Variants in SIPA1L1 observed in about 807,000 individuals in gnomAD.
SIPA1L1 encodes the protein signal induced proliferation associated 1 like 1.
A neutral mutation model predicts 162.7 loss-of-function variants in SIPA1L1; 26 were observed. That is an observed-to-expected ratio of 0.16 (90% CI 0.12 to 0.22). The LOEUF is 0.22. Among genes scored for constraint, SIPA1L1 ranks in the 10% least tolerant of loss-of-function variants. The pLI is 1.00. For synonymous variants in SIPA1L1, 829 were observed against 837.4 expected (o/e 0.99, Z 0.17); for missense variants, 1,874 against 2,241.0 (o/e 0.84, Z 3.31).
At chr14:71,638,919 C>G (rs1237649236) in intron 7 of SIPA1L1, among the ~76,000 whole-genome samples, 1 of 152,046 alleles carries the variant, frequency 6.6e-6, no homozygotes, top group African/African-American at 2.4e-5. Context: ...AAACTTGGAG[C>G]CAAACATGAT....
Position 71,338,086 on chromosome 14 carries a change from T to C in SIPA1L1, c.-465+16905T>C, listed in dbSNP as rs111944248. 7.4e-4 allele frequency among the ~76,000 whole-genome samples: 113 copies of C among 152,370 alleles called. 1 individual carries two copies. Among genetic ancestry groups the C allele is most frequent in the African/African-American group, 2.7e-3 (111 of 41,584 alleles). ...TGGGCACCAGCCCCTGAACACTAGT[T>C]TTATCCCTGTCTTTCTCATCCTTCA... On this transcript the variant is annotated intron_variant, in intron 2 of 23. Coordinates refer to ENST00000381232, the MANE Select transcript of SIPA1L1 (RefSeq NM_001386936.1).
At chr14:71,495,886 C>CAAAAA (rs61183823) in intron 2 of SIPA1L1, among the ~76,000 whole-genome samples, 89 of 37,994 alleles carry the variant, frequency 2.3e-3, no homozygotes, top group Non-Finnish European at 2.6e-3. Flanking sequence ...TCCATCTCTA[C>CAAAAA]AAAAAAAAAA....
intron 4 of SIPA1L1, among the ~76,000 whole-genome samples, chr14:71,544,345 A>G (rs538197279): frequency 3.9e-4 from 59 of 151,880 alleles, no homozygotes; most frequent in Middle Eastern, 3.4e-3. Flanking sequence ...ATGTGTGTGT[A>G]TATACATGTA....
intron 6 of SIPA1L1, among the ~76,000 whole-genome samples, chr14:71,620,067 G>A (rs2039262528): frequency 6.6e-6 from 1 of 152,020 alleles, no homozygotes. Flanking sequence ...TAACAGTTTA[G>A]TTTGTTTGTT....
chr14:71,478,116 C>A (rs1004738311), intron 2 of SIPA1L1, among the ~76,000 whole-genome samples: 5 of 152,184 alleles, frequency 3.3e-5, no homozygotes, highest in Admixed American at 3.3e-4. Flanking sequence ...TCTCTAGTGG[C>A]TAATGAGGTT....
At chr14:71,566,609 G>C (rs2030654313) in intron 4 of SIPA1L1, among the ~76,000 whole-genome samples, 1 of 152,198 alleles carries the variant, frequency 6.6e-6, no homozygotes, top group African/African-American at 2.4e-5. Flanking sequence ...TTGTATACAA[G>C]TCAGTAATTC....
At chr14:71,716,090 T>C (rs1315524682) in intron 17 of SIPA1L1, among the ~76,000 whole-genome samples, 1 of 152,086 alleles carries the variant, frequency 6.6e-6, no homozygotes, top group South Asian at 2.1e-4. Context: ...AATTTTTCTT[T>C]ACTGCAGTCA....
At chr14:71,609,682 G>T (rs1325275315) in intron 5 of SIPA1L1, among the ~76,000 whole-genome samples, 1 of 151,920 alleles carries the variant, frequency 6.6e-6, no homozygotes, top group Non-Finnish European at 1.5e-5. Flanking sequence ...GGCCAGGATG[G>T]TCTGCAACTC....
At chr14:71,696,106 A>G (rs915607937) in intron 13 of SIPA1L1, among the ~76,000 whole-genome samples, 1 of 152,138 alleles carries the variant, frequency 6.6e-6, no homozygotes, top group Non-Finnish European at 1.5e-5. Context: ...GTATCCCACT[A>G]GTACGTGGCC....
intron 2 of SIPA1L1, among the ~76,000 whole-genome samples, chr14:71,413,296 TTTG>T (rs576072921): frequency 3.3e-5 from 5 of 152,192 alleles, no homozygotes; most frequent in East Asian, 3.8e-4. Context: ...TCAAAATCAC[TTTG>T]TTGTTGTTGT....
At chr14:71,676,055 G>A (rs1050322134) in intron 12 of SIPA1L1, among the ~76,000 whole-genome samples, 15 of 135,630 alleles carry the variant, frequency 1.1e-4, no homozygotes, top group South Asian at 5.3e-4. Flanking sequence ...TCAGGAGTTT[G>A]AGACCAGCCT....
chr14:71,356,220 T>G (rs1594974613), intron 2 of SIPA1L1, among the ~76,000 whole-genome samples: 1 of 152,324 alleles, frequency 6.6e-6, no homozygotes, highest in East Asian at 1.9e-4. Flanking sequence ...TTTGCTTATT[T>G]GCTTTCTTTT....
intron 4 of SIPA1L1, among the ~76,000 whole-genome samples, chr14:71,557,708 G>A (rs575313868): frequency 6.6e-6 from 1 of 152,114 alleles, no homozygotes; most frequent in Non-Finnish European, 1.5e-5. Flanking sequence ...ACTTTAAGAG[G>A]CCCAGAAATT....
intron 2 of SIPA1L1, among the ~76,000 whole-genome samples, chr14:71,358,897 G>A (rs1274811646): frequency 2.6e-5 from 4 of 152,114 alleles, no homozygotes; most frequent in South Asian, 2.1e-4. Context: ...CAGCACCAAA[G>A]GGATGGTGCT....
chr14:71,637,242 C>T (rs761596547), intron 7 of SIPA1L1, among the ~76,000 whole-genome samples: 1 of 151,868 alleles, frequency 6.6e-6, no homozygotes, highest in Non-Finnish European at 1.5e-5. Context: ...CTTGTCAACA[C>T]GGTAGTCCCT....
At chr14:71,699,186 T>C (rs533485517) in intron 14 of SIPA1L1, 59 bp downstream of exon 14, 3 of 1,495,848 alleles carry the variant, frequency 2.0e-6, no homozygotes, top group East Asian at 4.5e-5. Flanking sequence ...CTTTCATCTG[T>C]ACTCAGACAT....
intron 5 of SIPA1L1, among the ~76,000 whole-genome samples, chr14:71,607,476 A>C (rs1320612825): frequency 6.6e-6 from 1 of 152,106 alleles, no homozygotes; most frequent in Non-Finnish European, 1.5e-5. Context: ...CCAGGAGTTC[A>C]AGACCAGCCT....
chr14:71,543,316 T>C (rs549303894), intron 4 of SIPA1L1, among the ~76,000 whole-genome samples: 1 of 152,346 alleles, frequency 6.6e-6, no homozygotes, highest in African/African-American at 2.4e-5. Flanking sequence ...GGTTTCTGAT[T>C]ATTGGCTGTT....
intron 5 of SIPA1L1, among the ~76,000 whole-genome samples, chr14:71,594,887 T>C (rs1359863059): frequency 6.6e-6 from 1 of 152,224 alleles, no homozygotes; most frequent in Non-Finnish European, 1.5e-5. Flanking sequence ...GTTTTGCTGC[T>C]GTCCTTTTAT....
Sources: allele counts gnomAD v4.1 joint callset (sites outside exome capture counted in the v4.1 genomes callset), GRCh38; gene constraint gnomAD v4.1.1; transcripts MANE v1.5; gene names NCBI Gene and HGNC (gene_info 2026-07-23, HGNC 2026-07-21).